The following PCDHGB5 variants were observed in gnomAD, a reference collection of about 807,000 sequenced individuals.
PCDHGB5 encodes the protein protocadherin gamma subfamily B, 5.
Under a neutral mutation model 62.9 loss-of-function variants are expected in PCDHGB5, and 48 were observed. That is an observed-to-expected ratio of 0.76 (90% confidence interval 0.61 to 0.97). The LOEUF is 0.97. Ranked by LOEUF, PCDHGB5 falls within the 50% of genes least tolerant of loss-of-function variation. PCDHGB5 has a pLI of 0.00. For synonymous variants in PCDHGB5, 474 were observed against 511.2 expected, an observed-to-expected ratio of 0.93 and a Z score of 0.98; for missense variants, 1,118 against 1,198.6, an observed-to-expected ratio of 0.93 and a Z score of 0.99.
At chr5:141,421,271 T>G in intron 1 of PCDHGB5, 1 of 1,612,330 alleles carries the variant, frequency 6.2e-7, no homozygotes, top group Non-Finnish European at 8.5e-7. Context: ...CGGCTGCTGC[T>G]GCTGCTGTGC....
At chr5:141,424,776 A>C (rs1406581367) in intron 1 of PCDHGB5, 2 of 152,154 alleles carry the variant, frequency 1.3e-5, no homozygotes, top group African/African-American at 4.8e-5. Context: ...CAAATAGTAC[A>C]TTCAGTTCTT....
intron 1 of PCDHGB5, among the ~76,000 whole-genome samples, chr5:141,456,363 G>A (rs1233146015): frequency 6.6e-6 from 1 of 152,098 alleles, no homozygotes; most frequent in African/African-American, 2.4e-5. Flanking sequence ...GTCCATGTGT[G>A]GTTCAGTTTA....
intron 1 of PCDHGB5, among the ~76,000 whole-genome samples, chr5:141,467,735 C>T (rs557555571): frequency 3.3e-5 from 5 of 152,182 alleles, no homozygotes; most frequent in East Asian, 3.9e-4. Flanking sequence ...AATCCCAGCT[C>T]GCTGCAACCT....
chr5:141,430,944 G>C (rs1417018095), intron 1 of PCDHGB5: 1 of 1,609,214 alleles, frequency 6.2e-7, no homozygotes, highest in Non-Finnish European at 8.5e-7. Flanking sequence ...CTCGCGGAGC[G>C]CGGAGTCCGC....
At chr5:141,469,790 T>G (rs956670031) in intron 1 of PCDHGB5, among the ~76,000 whole-genome samples, 2 of 152,224 alleles carry the variant, frequency 1.3e-5, no homozygotes, top group African/African-American at 4.8e-5. Context: ...GCGTTATTTG[T>G]AATTGCAAAA....
rs764056952 is a variant in PCDHGB5 at position 141,405,326 on chromosome 5, T to G, written c.2397+4802T>G. On this transcript the variant is annotated intron_variant, in intron 1 of 3. Transcript: ENST00000617380. ...GAGCTGTGAGAAAAATGAGCCTTTG[T>G]GCGTCTCTGTTGATTCCAAGTTTCC... The G allele has an allele frequency of 2.5e-6, 4 of 1,614,220 alleles. No individual in the cohort carries two copies. Among genetic ancestry groups the G allele is most frequent in the Admixed American group, 3.3e-5 (2 of 60,026 alleles).
intron 3 of PCDHGB5, 99 bp from the exon 4 acceptor site, chr5:141,510,848 G>A: frequency 6.3e-7 from 1 of 1,596,080 alleles, no homozygotes. Flanking sequence ...TCAAGGCCCA[G>A]GGTGCTGTAT....
At chr5:141,501,869 C>G (rs1595765055) in intron 2 of PCDHGB5, among the ~76,000 whole-genome samples, 1 of 152,130 alleles carries the variant, frequency 6.6e-6, no homozygotes, top group Non-Finnish European at 1.5e-5. Context: ...CCCAGGACGC[C>G]TCCTTACACT....
Position 141,490,008 on chromosome 5 carries a change from C to T in PCDHGB5, c.2398-4799C>T. 6.2e-7 allele frequency: 1 copy of T among 1,614,230 alleles called. No homozygotes were observed. ...GTGTGGGAATCCCAGAGAATGCACC[C>T]ATTGGTACTCTGCTGCTCCGCCTCA... On this transcript the variant is annotated intron_variant, in intron 1 of 3. Transcript: ENST00000617380. This position sits in a 1 kb window ranked among gnomAD's most constrained non-coding sequence, Gnocchi z 5.4.
rs1349935659 is a variant in PCDHGB5 at position 141,507,722 on chromosome 5, A to C, written c.2545+2241A>C. 6.6e-5 allele frequency among the ~76,000 whole-genome samples: 10 copies of C among 152,354 alleles called. No homozygotes were observed. In the East Asian group the frequency reaches 1.9e-3, roughly 29 times the overall value. ...ATTTATGGCCCCAAACCCTCCAAGC[A>C]AGTCATGCAGCTCGTTCCCCTGTCA... On this transcript the variant is annotated intron_variant, in intron 3 of 3. Coordinates refer to ENST00000617380, the MANE Select transcript of PCDHGB5 (RefSeq NM_018925.3).
intron 1 of PCDHGB5, among the ~76,000 whole-genome samples, chr5:141,473,916 A>T (rs1014065718): frequency 2.6e-5 from 4 of 152,162 alleles, no homozygotes; most frequent in Non-Finnish European, 4.4e-5. Flanking sequence ...TCTTAAGAAA[A>T]CTATGAGCTG....
intron 1 of PCDHGB5, among the ~76,000 whole-genome samples, chr5:141,402,210 TTAAAA>T (rs1240114840): frequency 6.6e-6 from 1 of 152,008 alleles, no homozygotes; most frequent in African/African-American, 2.4e-5. Context: ...ATACAAAAAT[TTAAAA>T]TAAACGTTTT....
Position 141,485,752 on chromosome 5 carries a change from G to A in PCDHGB5, c.2398-9055G>A. 1 of 1,614,232 alleles carries A rather than the reference G, an allele frequency of 6.2e-7. No individual in the cohort carries two copies. Among genetic ancestry groups the A allele is most frequent in the Middle Eastern group, 1.6e-4 (1 of 6,062 alleles). ...GCAGCGACGGCAGCCTGGTCCCAGA[G>A]CTGCTCCTGGAGAAGCCTTTGGATC... On this transcript the variant is annotated intron_variant, in intron 1 of 3. Coordinates refer to ENST00000617380, the MANE Select transcript of PCDHGB5 (RefSeq NM_018925.3). This position sits in a 1 kb window ranked among gnomAD's most constrained non-coding sequence, Gnocchi z 5.7.
chr5:141,421,410 G>A lies in PCDHGB5; in HGVS notation c.2397+20886G>A, dbSNP rs538537555. On this transcript the variant is annotated intron_variant, in intron 1 of 3. Transcript: ENST00000617380. ...TGGGGCTGGAGCCCCGGGAGCTGGCGAAGCGCGGAGTCCGCATCGTCTCCA... is the reference window on the plus strand; with the variant it reads ...TGGGGCTGGAGCCCCGGGAGCTGGCAAAGCGCGGAGTCCGCATCGTCTCCA... The A allele has an allele frequency of 3.7e-6, 6 of 1,614,084 alleles. No homozygotes were observed. In the African/African-American group the frequency reaches 6.7e-5, roughly 18 times the overall value.
intron 1 of PCDHGB5, chr5:141,404,978 G>C: frequency 6.2e-7 from 1 of 1,613,976 alleles, no homozygotes; most frequent in Non-Finnish European, 8.5e-7. Context: ...GGCTGACCTG[G>C]GCAGTCTTCA....
intron 1 of PCDHGB5, 134 bp from the exon 2 acceptor site, chr5:141,494,673 C>A: frequency 6.5e-7 from 1 of 1,542,992 alleles, no homozygotes; most frequent in South Asian, 1.2e-5. Flanking sequence ...GATGAGTCCA[C>A]CCCTGCCCCC....
At chr5:141,506,444 CAAA>C (rs1219684339) in intron 3 of PCDHGB5, among the ~76,000 whole-genome samples, 12 of 95,004 alleles carry the variant, frequency 1.3e-4, no homozygotes, top group Admixed American at 3.3e-4. Context: ...CGCTCTGTCT[CAAA>C]AAAAAAAAAA....
Position 141,486,563 on chromosome 5 carries a change from G to T in PCDHGB5, c.2398-8244G>T, listed in dbSNP as rs558244990. Reference sequence around the variant, plus strand: ...CTTTCAGAGGTCACATGAGGTGTTTGTTCCTGAGAACAATCGCCCAGGGGA... The same window carrying T: ...CTTTCAGAGGTCACATGAGGTGTTTTTTCCTGAGAACAATCGCCCAGGGGA... On this transcript the variant is annotated intron_variant, in intron 1 of 3. Transcript: ENST00000617380. The surrounding 1 kb of genome is among the most constrained non-coding windows in gnomAD (Gnocchi z 5.0). The T allele has an allele frequency of 4.3e-6, 7 of 1,614,006 alleles. No individual in the cohort carries two copies. The highest frequency in any genetic ancestry group is 4.0e-5 in the African/African-American group (3 of 75,054).
At chr5:141,509,631 C>A (rs1250891268) in intron 3 of PCDHGB5, among the ~76,000 whole-genome samples, 1 of 152,200 alleles carries the variant, frequency 6.6e-6, no homozygotes, top group East Asian at 1.9e-4. Flanking sequence ...CTGGGTGATG[C>A]TGAGCCAGGG....
Sources: gnomAD v4.1 joint callset for allele counts (sites outside exome capture counted in the v4.1 genomes callset) on GRCh38, gnomAD v4.1.1 for gene constraint, Gnocchi (gnomAD v3.1) non-coding constraint, MANE v1.5 for transcripts, NCBI Gene and HGNC (gene_info 2026-07-23, HGNC 2026-07-21) for gene names.